The following PDSS2 variants were observed in gnomAD, a reference collection of about 807,000 sequenced individuals.
PDSS2 encodes decaprenyl diphosphate synthase subunit 2, also known as all trans-polyprenyl-diphosphate synthase PDSS2.
In PDSS2, 31 loss-of-function variants were observed where a neutral mutation model predicts 44.5. The observed-to-expected ratio is 0.70, with a 90% confidence interval of 0.52 to 0.94. The LOEUF is 0.94. Ranked by LOEUF, PDSS2 falls within the 40% of genes least tolerant of loss-of-function variation. The pLI is 0.00. For missense variants in PDSS2, 452 were observed against 482.2 expected (o/e 0.94, Z 0.59); for synonymous variants, 157 against 180.3 (o/e 0.87, Z 1.03).
At chr6:107,352,799 T>A (rs1778473342) in intron 1 of PDSS2, among the ~76,000 whole-genome samples, 1 of 152,178 alleles carries the variant, frequency 6.6e-6, no homozygotes, top group African/African-American at 2.4e-5. Flanking sequence ...GGAGGGGTAC[T>A]AGTGCCATCT....
chr6:107,295,470 A>C (rs1315122582), intron 2 of PDSS2, among the ~76,000 whole-genome samples: 1 of 152,144 alleles, frequency 6.6e-6, no homozygotes, highest in Admixed American at 6.5e-5. Flanking sequence ...TCTTGTGAGG[A>C]AATAGGAGGG....
intron 4 of PDSS2, among the ~76,000 whole-genome samples, chr6:107,217,937 A>C (rs1383968205): frequency 2.6e-5 from 4 of 152,210 alleles, no homozygotes; most frequent in Admixed American, 6.5e-5. Flanking sequence ...AGTTTTATCT[A>C]ATAGTTGCTG....
At chr6:107,421,468 T>C (rs1232550455) in intron 1 of PDSS2, among the ~76,000 whole-genome samples, 1 of 152,110 alleles carries the variant, frequency 6.6e-6, no homozygotes, top group Non-Finnish European at 1.5e-5. Context: ...ATATAAACTA[T>C]GGTACATTCA....
chr6:107,399,619 A>T (rs948419216), intron 1 of PDSS2, among the ~76,000 whole-genome samples: 2 of 152,218 alleles, frequency 1.3e-5, no homozygotes, highest in East Asian at 3.8e-4. Flanking sequence ...GTAATGTGCT[A>T]TTCATTTTTA....
chr6:107,204,192 C>T (rs999005202), intron 6 of PDSS2, among the ~76,000 whole-genome samples: 6 of 152,064 alleles, frequency 3.9e-5, no homozygotes, highest in African/African-American at 9.7e-5. Flanking sequence ...CCGCCCCCCT[C>T]GGCTTCCCAA....
At chr6:107,316,211 AC>A (rs1777193241) in intron 2 of PDSS2, among the ~76,000 whole-genome samples, 1 of 152,064 alleles carries the variant, frequency 6.6e-6, no homozygotes, top group Admixed American at 6.6e-5. Flanking sequence ...CTTAATCTTT[AC>A]CCCCACATGA....
intron 4 of PDSS2, among the ~76,000 whole-genome samples, chr6:107,237,897 GAAAAAAA>G (rs71551306): frequency 2.5e-5 from 2 of 80,688 alleles, no homozygotes; most frequent in Admixed American, 1.6e-4. Context: ...CTCCGTCTCT[GAAAAAAA>G]AAAAAAAAAA....
intron 1 of PDSS2, among the ~76,000 whole-genome samples, chr6:107,362,066 T>A (rs1778796353): frequency 6.6e-6 from 1 of 152,206 alleles, no homozygotes; most frequent in Non-Finnish European, 1.5e-5. Context: ...CAAGCCTGAA[T>A]AAGCAAACCT....
At chr6:107,304,207 T>G (rs541804440) in intron 2 of PDSS2, among the ~76,000 whole-genome samples, 1 of 152,270 alleles carries the variant, frequency 6.6e-6, no homozygotes, top group South Asian at 2.1e-4. Flanking sequence ...CCAACCCTGG[T>G]TGAGTGACCC....
intron 3 of PDSS2, among the ~76,000 whole-genome samples, chr6:107,255,164 A>T (rs562178514): frequency 6.7e-6 from 1 of 149,976 alleles, no homozygotes; most frequent in East Asian, 2.0e-4. Flanking sequence ...AAATTAAATT[A>T]AAAGTTTCAT....
intron 2 of PDSS2, among the ~76,000 whole-genome samples, chr6:107,313,393 T>C (rs764452499): frequency 6.6e-6 from 1 of 152,156 alleles, no homozygotes; most frequent in Non-Finnish European, 1.5e-5. Flanking sequence ...TGCTCTGTTG[T>C]CCAGGCTGGA....
chr6:107,323,342 A>C (rs1055631039), intron 2 of PDSS2, among the ~76,000 whole-genome samples: 3 of 152,220 alleles, frequency 2.0e-5, no homozygotes, highest in African/African-American at 7.2e-5. Flanking sequence ...TTCAGTGTCC[A>C]GTGCTGTGCC....
Position 107,392,358 on chromosome 6 carries a change from G to T in PDSS2, c.297-58026C>A, listed in dbSNP as rs1257440050. On this transcript the variant is annotated intron_variant, in intron 1 of 7. Coordinates refer to ENST00000369037, the MANE Select transcript of PDSS2 (RefSeq NM_020381.4). ...AAAATAAAACAGTCAGATACTGCTT[G>T]CAGCAGTGAACGGTAATGGCTTTAA... 2.0e-5 allele frequency among the ~76,000 whole-genome samples: 3 copies of T among 152,180 alleles called. No homozygotes were observed. The East Asian group carries it at 5.8e-4, about 29-fold the overall frequency.
chr6:107,317,689 T>C (rs1777244613), intron 2 of PDSS2, among the ~76,000 whole-genome samples: 2 of 152,190 alleles, frequency 1.3e-5, no homozygotes, highest in African/African-American at 4.8e-5. Context: ...AAGCTCCCAA[T>C]ATAATATTCA....
intron 2 of PDSS2, among the ~76,000 whole-genome samples, chr6:107,282,273 A>C (rs1012666139): frequency 2.6e-5 from 4 of 152,220 alleles, no homozygotes; most frequent in Non-Finnish European, 5.9e-5. Flanking sequence ...GGAATGACAT[A>C]AACTAAAAAG....
chr6:107,441,403 C>T (rs1781506400), intron 1 of PDSS2, among the ~76,000 whole-genome samples: 1 of 152,216 alleles, frequency 6.6e-6, no homozygotes, highest in African/African-American at 2.4e-5. Context: ...AGAAAGGCTG[C>T]CGCCAGTCTC....
At chr6:107,349,658 A>G (rs1367769767) in intron 1 of PDSS2, among the ~76,000 whole-genome samples, 2 of 152,050 alleles carry the variant, frequency 1.3e-5, no homozygotes, top group African/African-American at 4.8e-5. Context: ...CTGAGGCAGG[A>G]GAAAAGCTTG....
At chr6:107,219,821 C>T (rs532887973) in intron 4 of PDSS2, among the ~76,000 whole-genome samples, 1 of 152,228 alleles carries the variant, frequency 6.6e-6, no homozygotes, top group African/African-American at 2.4e-5. Context: ...CAAGTATTTG[C>T]TAAATGAATA....
At chr6:107,358,620 A>C (rs2114257420) in intron 1 of PDSS2, among the ~76,000 whole-genome samples, 1 of 152,296 alleles carries the variant, frequency 6.6e-6, no homozygotes, top group African/African-American at 2.4e-5. Context: ...AAATGATGAA[A>C]AATTTGAGAC....
Sources: allele counts gnomAD v4.1 joint callset (sites outside exome capture counted in the v4.1 genomes callset), GRCh38; gene constraint gnomAD v4.1.1; transcripts MANE v1.5; gene names NCBI Gene and HGNC (gene_info 2026-07-23, HGNC 2026-07-21).